POU2F1: variants seen among roughly 807,000 people sequenced by gnomAD.
POU2F1 encodes POU domain, class 2, transcription factor 1.
POU2F1 carries 16 observed loss-of-function variants against 84.9 expected under a neutral mutation model. The ratio of observed to expected loss-of-function variants is 0.19; its 90% CI spans 0.13 to 0.29. The LOEUF (loss-of-function observed/expected upper bound fraction) is 0.29. Among genes scored for constraint, POU2F1 ranks in the 10% least tolerant of loss-of-function variants. POU2F1 has a pLI of 1.00. For synonymous variants in POU2F1, 368 were observed against 368.3 expected, an observed-to-expected ratio of 1.00 and a Z score of 0.01; for missense variants, 738 against 942.6, an observed-to-expected ratio of 0.78 and a Z score of 2.84.
intron 1 of POU2F1, among the ~76,000 whole-genome samples, chr1:167,294,064 GGC>G (rs1654111951): frequency 6.6e-6 from 1 of 151,502 alleles, no homozygotes; most frequent in Non-Finnish European, 1.5e-5. Context: ...TGACTATGGT[GGC>G]TCACGCCTGT....
chr1:167,358,716 CTTTTTT>C (rs1197814755), intron 2 of POU2F1, among the ~76,000 whole-genome samples: 1 of 38,348 alleles, frequency 2.6e-5, no homozygotes, highest in South Asian at 1.3e-3. Flanking sequence ...TTATCTGCAG[CTTTTTT>C]TTTTTTTTTT....
Position 167,423,056 on chromosome 1 carries a change from C to T in POU2F1, c.*7246C>T, listed in dbSNP as rs966755128. On this transcript the variant is annotated 3_prime_UTR_variant, in exon 16 of 16. Transcript: ENST00000367866. The stretch of plus-strand genomic sequence containing the variant: ...GGGGTAGAATTTTTTCATTATTTCC[C>T]TTTATCTAATACTTTTAAATAGAAC... 1 of 152,124 alleles carries T rather than the reference C, an allele frequency of 6.6e-6. No individual in the cohort carries two copies. The highest frequency in any genetic ancestry group is 2.4e-5 in the African/African-American group (1 of 41,412). The allele number at this position is 152,124 out of a possible 1,614,324, so 9.4% of individuals were successfully genotyped here. A position where few individuals can be genotyped will look rare whatever the true frequency, so the allele number is the denominator to read the frequency against.
intron 1 of POU2F1, among the ~76,000 whole-genome samples, chr1:167,256,705 G>A (rs1443192651): frequency 1.3e-5 from 2 of 152,132 alleles, no homozygotes; most frequent in Admixed American, 1.3e-4. Flanking sequence ...TGTTGCCTTT[G>A]AATAAGGGAG....
At chr1:167,318,982 C>G (rs1024622700) in intron 1 of POU2F1, 1 of 153,414 alleles carries the variant, frequency 6.5e-6, no homozygotes, top group African/African-American at 2.4e-5. Context: ...AGATTGATTA[C>G]TCATTGTGAC....
At chr1:167,409,920 G>A (rs1571464099) in intron 13 of POU2F1, among the ~76,000 whole-genome samples, 1 of 152,154 alleles carries the variant, frequency 6.6e-6, no homozygotes, top group African/African-American at 2.4e-5. Flanking sequence ...TGCTTAGCAT[G>A]GAAGAGAAAT....
chr1:167,299,620 C>T (rs1221644870), intron 1 of POU2F1, among the ~76,000 whole-genome samples: 1 of 151,410 alleles, frequency 6.6e-6, no homozygotes, highest in Non-Finnish European at 1.5e-5. Context: ...GACAGACACA[C>T]TGAACTACTG....
intron 2 of POU2F1, chr1:167,338,226 T>C (rs1657600625): frequency 2.1e-6 from 1 of 465,468 alleles, no homozygotes; most frequent in Non-Finnish European, 4.4e-6. Flanking sequence ...AGGATGAAGA[T>C]CTTTGTGATG....
At chr1:167,230,915 C>A (rs1023328571) in intron 1 of POU2F1, among the ~76,000 whole-genome samples, 13 of 152,188 alleles carry the variant, frequency 8.5e-5, no homozygotes, top group African/African-American at 3.1e-4. Context: ...ATAAGAAGGC[C>A]CAACTTCTAA....
Position 167,418,384 on chromosome 1 carries a change from A to G in POU2F1, c.*2574A>G, listed in dbSNP as rs1005534519. 6.6e-6 allele frequency: 1 copy of G among 152,172 alleles called. No individual in the cohort carries two copies. The highest frequency in any genetic ancestry group is 6.5e-5 in the Admixed American group (1 of 15,274). 9.4% of individuals were successfully genotyped at this position (152,172 alleles called of 1,614,324 possible). A position where few individuals can be genotyped will look rare whatever the true frequency, so the allele number is the denominator to read the frequency against. ...TTTTTCTCTGTTGTAGTTAAATTTA[A>G]TCTTCTATCCTGACTTGACATCTCT... is the stretch of plus-strand genomic sequence containing the variant. On this transcript the variant is annotated 3_prime_UTR_variant, in exon 16 of 16. Transcript: ENST00000367866.
chr1:167,377,897 G>A (rs563783512), intron 7 of POU2F1, among the ~76,000 whole-genome samples: 1 of 152,058 alleles, frequency 6.6e-6, no homozygotes, highest in Non-Finnish European at 1.5e-5. Context: ...TTTTATGGCT[G>A]TATAGTATTC....
intron 1 of POU2F1, among the ~76,000 whole-genome samples, chr1:167,272,688 G>A (rs1652459913): frequency 6.6e-6 from 1 of 152,068 alleles, no homozygotes; most frequent in Admixed American, 6.5e-5. Flanking sequence ...ACAGCAAGGG[G>A]GAAGACTACC....
intron 1 of POU2F1, among the ~76,000 whole-genome samples, chr1:167,258,343 TC>T (rs776238990): frequency 5.3e-5 from 8 of 152,216 alleles, no homozygotes; most frequent in Non-Finnish European, 1.0e-4. Flanking sequence ...TTCTTCCCCT[TC>T]TGAATGTGCC....
intron 1 of POU2F1, among the ~76,000 whole-genome samples, chr1:167,309,845 A>C (rs970585300): frequency 1.3e-5 from 2 of 152,204 alleles, no homozygotes; most frequent in East Asian, 3.8e-4. Flanking sequence ...GATTATTTTT[A>C]ATTTCAACGC....
intron 7 of POU2F1, 66 bp downstream of exon 7, chr1:167,376,221 G>A: frequency 6.7e-7 from 1 of 1,502,554 alleles, no homozygotes; most frequent in Non-Finnish European, 9.0e-7. Flanking sequence ...ACACATGCAT[G>A]AACTACTATC....
rs1651010113 is a variant in POU2F1, at chr1:167,427,178, C to G, written c.*11368C>G. 6.6e-6 allele frequency: 1 copy of G among 152,124 alleles called. No individual in the cohort carries two copies. Among genetic ancestry groups the G allele is most frequent in the South Asian group, 2.1e-4 (1 of 4,826 alleles). The allele number at this position is 152,124 out of a possible 1,614,324, so 9.4% of individuals were successfully genotyped here. A position where few individuals can be genotyped will look rare whatever the true frequency, so the allele number is the denominator to read the frequency against. On this transcript the variant is annotated 3_prime_UTR_variant, in exon 16 of 16. Transcript: ENST00000367866. ...TAGGGCTGCCTGCAGGGGCTGTAGG[C>G]TTGGGAAAGATTGTGTAGGTGACAG...
At chr1:167,398,820 T>TC (rs5778547) in intron 11 of POU2F1, among the ~76,000 whole-genome samples, 152,325 of 152,328 alleles carry the variant, frequency 1, 76,161 homozygotes, top group Middle Eastern at 1. Context: ...AGGTCCTTCA[T>TC]TGTGAAATAC....
intron 1 of POU2F1, among the ~76,000 whole-genome samples, chr1:167,269,878 C>T (rs1403697112): frequency 2.0e-5 from 3 of 148,094 alleles, no homozygotes; most frequent in African/African-American, 7.5e-5. Flanking sequence ...CCCGCCACTG[C>T]ACTCCAACCT....
At chr1:167,264,571 TTG>T (rs1435990546) in intron 1 of POU2F1, among the ~76,000 whole-genome samples, 3 of 152,170 alleles carry the variant, frequency 2.0e-5, no homozygotes, top group Non-Finnish European at 4.4e-5. Flanking sequence ...ACAGTCCAGT[TTG>T]TGTTTTTAAA....
At chr1:167,320,487 G>A (rs932811274) in intron 1 of POU2F1, among the ~76,000 whole-genome samples, 14 of 152,214 alleles carry the variant, frequency 9.2e-5, no homozygotes, top group Non-Finnish European at 1.5e-5. Context: ...AGTCAGCTAA[G>A]TGAGTTTGCC....
Sources: gnomAD v4.1 joint callset for allele counts (sites outside exome capture counted in the v4.1 genomes callset) on GRCh38, gnomAD v4.1.1 for gene constraint, MANE v1.5 for transcripts, NCBI Gene and HGNC (gene_info 2026-07-23, HGNC 2026-07-21) for gene names.